USP31: variants seen among roughly 807,000 people sequenced by gnomAD.
The protein encoded by USP31 is ubiquitin carboxyl-terminal hydrolase 31.
USP31 carries 44 observed loss-of-function variants against 119.4 expected under a neutral mutation model. That is an observed-to-expected ratio of 0.37 (90% CI 0.29 to 0.47). The LOEUF is 0.47. Ranked by LOEUF, USP31 falls within the 20% of genes least tolerant of loss-of-function variation. The pLI, the probability that USP31 is intolerant of heterozygous loss-of-function variation, is 0.99. For missense variants in USP31, 1,643 were observed against 1,730.2 expected, an observed-to-expected ratio of 0.95 and a Z score of 0.89; for synonymous variants, 749 against 705.6, an observed-to-expected ratio of 1.06 and a Z score of -0.97.
Position 23,068,750 on chromosome 16 carries a change from AG to A in USP31, c.3354del (p.Ser1119ArgfsTer36). 6.3e-7 allele frequency: 1 copy of A among 1,591,210 alleles called. No homozygotes were observed. The highest frequency in any genetic ancestry group is 8.5e-7 in the Non-Finnish European group (1 of 1,170,112). ...SSPSPQKQKSASALTYTASST... is the reference protein window; with the variant it reads ...SSPSPQKQKSXSALTYTASST... ...GAGGAAGCAGTGTAGGTGAGGGCCGAGGCTGACTTCTGCTTCTGTGGCGAAG... is the reference window on the plus strand; with the variant it reads ...GAGGAAGCAGTGTAGGTGAGGGCCGAGCTGACTTCTGCTTCTGTGGCGAAG... On this transcript the variant is annotated frameshift_variant, in exon 16 of 16. Coordinates refer to ENST00000219689, the MANE Select transcript of USP31 (RefSeq NM_020718.4). LOFTEE classifies it high-confidence loss of function.
intron 1 of USP31, among the ~76,000 whole-genome samples, chr16:23,132,647 T>A (rs1903065154): frequency 6.6e-6 from 1 of 152,186 alleles, no homozygotes. Flanking sequence ...ATCAGTTCCT[T>A]TCTACATGGG....
In USP31 at chr16:23,069,038, T is replaced by G. The variant is rs1567223399; in HGVS notation, c.3067A>C (p.Thr1023Pro). Residue 1023 changes from threonine (T) to proline (P), a missense_variant, in exon 16 of 16, where the codon ACT becomes CCT. Transcript: ENST00000219689. ...GSLAKKPEST[T>P]KRSPSSKGTS... is the part of the protein sequence containing the mutation. ...CCTTTGGAACTGGGGGATCTCTTAGTTGTGCTCTCTGGTTTCTTTGCGAGT... is the reference window on the plus strand; with the variant it reads ...CCTTTGGAACTGGGGGATCTCTTAGGTGTGCTCTCTGGTTTCTTTGCGAGT... 1.2e-6 allele frequency: 2 copies of G among 1,613,324 alleles called. No homozygotes were observed. Among genetic ancestry groups the G allele is most frequent in the Admixed American group, 1.7e-5 (1 of 60,032 alleles).
chr16:23,093,218 TATCA>T (rs1292714142), intron 6 of USP31, among the ~76,000 whole-genome samples: 3 of 152,078 alleles, frequency 2.0e-5, no homozygotes, highest in African/African-American at 4.8e-5. Context: ...CAAAGAACAC[TATCA>T]AGAAAGAGAA....
In USP31 at chr16:23,063,643, C is replaced by T. The variant is rs1364322959; in HGVS notation, c.*4403G>A. On this transcript the variant is annotated 3_prime_UTR_variant, in exon 16 of 16. Transcript: ENST00000219689. ...GCAGAGAAATATATGCAGAGCAAAA[C>T]AAGAAATCGCATTCATGCTCTTCTA... 1.3e-5 allele frequency: 2 copies of T among 152,238 alleles called. No homozygotes were observed. Among genetic ancestry groups the T allele is most frequent in the African/African-American group, 4.8e-5 (2 of 41,370 alleles). 9.4% of individuals were successfully genotyped at this position (152,238 alleles called of 1,614,324 possible). A position where few individuals can be genotyped will look rare whatever the true frequency, so the allele number is the denominator to read the frequency against.
intron 11 of USP31, among the ~76,000 whole-genome samples, chr16:23,083,258 G>C (rs1445197362): frequency 2.0e-5 from 3 of 152,148 alleles, no homozygotes; most frequent in Non-Finnish European, 4.4e-5. Flanking sequence ...CTGTCCTCCA[G>C]CCATACTGGC....
chr16:23,087,142 T>C lies in USP31; in HGVS notation c.1572A>G (p.Thr524=), dbSNP rs760382248. The change falls in exon 9 of 16, where the codon ACA becomes ACG. Residue 524 remains threonine (T), a synonymous_variant. Coordinates refer to ENST00000219689, the MANE Select transcript of USP31 (RefSeq NM_020718.4). ...GCTGCTCCTCCTGGGGCAGCAAATA[T>C]GTTATTCCAACAACACTGACCACAC... ...SLRVVSVVGI[T]YLLPQEEQPL... 6.2e-6 allele frequency: 10 copies of C among 1,613,808 alleles called. No homozygotes were observed. The highest frequency in any genetic ancestry group is 4.0e-5 in the African/African-American group (3 of 74,894).
At chr16:23,089,002 A>T (rs1193858375) in intron 7 of USP31, among the ~76,000 whole-genome samples, 3 of 152,210 alleles carry the variant, frequency 2.0e-5, no homozygotes, top group African/African-American at 7.2e-5. Context: ...CAATCTGCCT[A>T]AAAACTACTG....
At chr16:23,092,581 C>T (rs933120540) in intron 6 of USP31, among the ~76,000 whole-genome samples, 4 of 152,180 alleles carry the variant, frequency 2.6e-5, no homozygotes, top group Non-Finnish European at 5.9e-5. Flanking sequence ...TGAGGAAAGG[C>T]TCTCTGGACA....
rs766213503 is a variant in USP31, at chr16:23,063,491, G to C, written c.*4555C>G. ...TATAGAAAATGGCAGGTTATTTTTA[G>C]AACAAAACACTTTAGGAAAGTCTTC... On this transcript the variant is annotated 3_prime_UTR_variant, in exon 16 of 16. Transcript: ENST00000219689. The C allele has an allele frequency of 1.3e-5, 2 of 152,542 alleles. No homozygotes were observed. Among genetic ancestry groups the C allele is most frequent in the Non-Finnish European group, 2.9e-5 (2 of 68,024 alleles). The allele number at this position is 152,542 out of a possible 1,614,324, so 9.4% of individuals were successfully genotyped here. A position where few individuals can be genotyped will look rare whatever the true frequency, so the allele number is the denominator to read the frequency against.
chr16:23,133,165 C>G (rs1014001331), intron 1 of USP31, among the ~76,000 whole-genome samples: 11 of 152,126 alleles, frequency 7.2e-5, no homozygotes, highest in Admixed American at 1.3e-4. Context: ...ATCCTGTATA[C>G]GAGGCCCGCC....
At position 23,068,782 on chromosome 16, in the gene USP31, G is replaced by C; in HGVS notation, c.3323C>G (p.Ser1108Ter). 1 of 1,571,914 alleles carries C rather than the reference G, an allele frequency of 6.4e-7. No homozygotes were observed. Among genetic ancestry groups the C allele is most frequent in the Non-Finnish European group, 8.6e-7 (1 of 1,161,386 alleles). Residue 1108 changes from serine to a stop codon, truncating the protein, a stop_gained, in exon 16 of 16, where the codon TCA (serine) becomes TGA (stop). Transcript: ENST00000219689. LOFTEE classifies it high-confidence loss of function. Reference sequence around the variant, plus strand: ...CTTCTGCTTCTGTGGCGAAGGAGATGACACGGAGTCCTGAGATTTCGGGGA... The same window carrying C: ...CTTCTGCTTCTGTGGCGAAGGAGATCACACGGAGTCCTGAGATTTCGGGGA... ...ESSPKSQDSV[S>*]SPSPQKQKSA...
chr16:23,117,973 G>C (rs1902551474), intron 1 of USP31, among the ~76,000 whole-genome samples: 1 of 152,082 alleles, frequency 6.6e-6, no homozygotes, highest in Non-Finnish European at 1.5e-5. Flanking sequence ...ATTTTTAGTA[G>C]AGATGGGGTT....
chr16:23,139,387 G>A (rs1440395958), intron 1 of USP31, among the ~76,000 whole-genome samples: 1 of 152,134 alleles, frequency 6.6e-6, no homozygotes, highest in East Asian at 1.9e-4. Flanking sequence ...CTGCAGCCTG[G>A]GCAACAGAGC....
At chr16:23,109,164 G>C (rs1902223639) in intron 1 of USP31, among the ~76,000 whole-genome samples, 1 of 152,108 alleles carries the variant, frequency 6.6e-6, no homozygotes, top group Non-Finnish European at 1.5e-5. Context: ...TATAAACTTG[G>C]GTTCACATCC....
chr16:23,118,908 G>A (rs913879023), intron 1 of USP31, among the ~76,000 whole-genome samples: 3 of 151,784 alleles, frequency 2.0e-5, no homozygotes, highest in African/African-American at 7.3e-5. Flanking sequence ...AGGAGGCGGA[G>A]GTTGCAGTCA....
At chr16:23,103,852 T>A (rs758119937) in intron 5 of USP31, among the ~76,000 whole-genome samples, 1 of 152,186 alleles carries the variant, frequency 6.6e-6, no homozygotes, top group Middle Eastern at 3.4e-3. Flanking sequence ...AAGGTTGAGG[T>A]TGCAGTGAGC....
chr16:23,095,441 A>G (rs1053226320), intron 6 of USP31, among the ~76,000 whole-genome samples: 2 of 152,252 alleles, frequency 1.3e-5, no homozygotes, highest in Non-Finnish European at 2.9e-5. Flanking sequence ...ATTAACCAGG[A>G]GAACTTCCCC....
intron 1 of USP31, chr16:23,115,803 AAG>A (rs962139708): frequency 1.5e-5 from 15 of 984,238 alleles, no homozygotes; most frequent in Non-Finnish European, 1.8e-5. Context: ...TTACCCTTCA[AAG>A]AGAGAATGTT....
At chr16:23,074,455 T>C (rs1431773406) in intron 13 of USP31, among the ~76,000 whole-genome samples, 2 of 152,352 alleles carry the variant, frequency 1.3e-5, no homozygotes, top group East Asian at 3.9e-4. Flanking sequence ...ATGTAACACT[T>C]ATTATGTGCC....
Sources: gnomAD v4.1 joint callset for allele counts (sites outside exome capture counted in the v4.1 genomes callset) on GRCh38, gnomAD v4.1.1 for gene constraint, MANE v1.5 for transcripts, NCBI Gene and HGNC (gene_info 2026-07-23, HGNC 2026-07-21) for gene names.